MCM2: variants seen among roughly 807,000 people sequenced by gnomAD.
The protein encoded by MCM2 is minichromosome maintenance complex component 2.
Under a neutral mutation model 86.4 loss-of-function variants are expected in MCM2, and 49 were observed. The ratio of observed to expected loss-of-function variants is 0.57; its 90% CI spans 0.45 to 0.72. MCM2 has a LOEUF of 0.72. Ranked by LOEUF, MCM2 falls within the 30% of genes least tolerant of loss-of-function variation. MCM2 has a pLI of 0.00. For synonymous variants in MCM2, 475 were observed against 484.6 expected (o/e 0.98, Z 0.26); for missense variants, 1,038 against 1,259.9 (o/e 0.82, Z 2.67).
chr3:127,600,947 T>C (rs1162256038), intron 2 of MCM2, among the ~76,000 whole-genome samples: 2 of 151,982 alleles, frequency 1.3e-5, no homozygotes, highest in Non-Finnish European at 2.9e-5. Flanking sequence ...TATAATTCAA[T>C]GCAAATTCAT....
rs186179732 is a variant in MCM2, at chr3:127,607,581, C to G, written c.1101+764C>G. Among the ~76,000 whole-genome samples, 9 of 152,366 alleles carry G rather than the reference C, an allele frequency of 5.9e-5. No homozygotes were observed. The East Asian group carries it at 1.7e-3, about 29-fold the overall frequency. ...AGCTGCAGGCCAGATGCCAGCTGAG[C>G]CACGTCTTTGCTCACTCTTCCCATG... On this transcript the variant is annotated intron_variant, in intron 6 of 15. Coordinates refer to ENST00000265056, the MANE Select transcript of MCM2 (RefSeq NM_004526.4).
At position 127,622,119 on chromosome 3, in the gene MCM2, G is replaced by GAGCT. The variant is rs1316980272; in HGVS notation, c.*347_*350dup. ...TAGCCTTCTTACATGGATGTCAGGA[G>GAGCT]AGCTGCTGCCCTCTTGGCGTGAGTT... On this transcript the variant is annotated 3_prime_UTR_variant, in exon 16 of 16. Coordinates refer to ENST00000265056, the MANE Select transcript of MCM2 (RefSeq NM_004526.4). 5.4e-6 allele frequency: 1 copy of GAGCT among 184,002 alleles called. No individual in the cohort carries two copies. Among genetic ancestry groups the GAGCT allele is most frequent in the African/African-American group, 2.4e-5 (1 of 42,256 alleles). The allele number at this position is 184,002 out of a possible 1,614,324, so 11.4% of individuals were successfully genotyped here.
At chr3:127,621,629 C>G (rs750855134) in intron 15 of MCM2, 34 bp from the exon 16 acceptor site, 44 of 1,421,890 alleles carry the variant, frequency 3.1e-5, no homozygotes, top group Non-Finnish European at 4.4e-5. Flanking sequence ...GTTCTCACAC[C>G]ACTGATGGCT....
Position 127,606,852 on chromosome 3 carries a change from C to T in MCM2, c.1101+35C>T. On this transcript the variant is annotated intron_variant, in intron 6 of 15. Coordinates refer to ENST00000265056, the MANE Select transcript of MCM2 (RefSeq NM_004526.4). The surrounding 1 kb of genome is among the most constrained non-coding windows in gnomAD (Gnocchi z 4.2). ...GACACAAGGTCTGCTGCCAGCTGTC[C>T]TTAGGGGTGCCCAGTATGCAGGACC... is the stretch of plus-strand genomic sequence containing the variant. 6.2e-7 allele frequency: 1 copy of T among 1,605,518 alleles called. No homozygotes were observed. The highest frequency in any genetic ancestry group is 1.1e-5 in the South Asian group (1 of 90,866).
chr3:127,606,582 G>A lies in MCM2; in HGVS notation c.894-28G>A. The A allele has an allele frequency of 6.2e-6, 10 of 1,604,522 alleles. No homozygotes were observed. Among genetic ancestry groups the A allele is most frequent in the Non-Finnish European group, 8.5e-6 (10 of 1,171,934 alleles). On this transcript the variant is annotated intron_variant, in intron 5 of 15. Coordinates refer to ENST00000265056, the MANE Select transcript of MCM2 (RefSeq NM_004526.4). The surrounding 1 kb of genome is among the most constrained non-coding windows in gnomAD (Gnocchi z 4.2). ...CAGCCTGGCCTCACCCTGGCTCACG[G>A]CTTCTGATGCACCCTCTGCCTCCGC...
rs1197657946 is a variant in MCM2, at chr3:127,606,381, T to C, written c.893+44T>C. 6.3e-7 allele frequency: 1 copy of C among 1,585,004 alleles called. No individual in the cohort carries two copies. The highest frequency in any genetic ancestry group is 8.7e-7 in the Non-Finnish European group (1 of 1,155,262). On this transcript the variant is annotated intron_variant, in intron 5 of 15. Coordinates refer to ENST00000265056, the MANE Select transcript of MCM2 (RefSeq NM_004526.4). The surrounding 1 kb of genome is among the most constrained non-coding windows in gnomAD (Gnocchi z 4.2). ...AGGATGGCAGGTCCGAGCTCAGTGC[T>C]GGGTGACTCGGTCGTGATTCCTGAA...
At chr3:127,603,158 G>T (rs1003919715) in intron 2 of MCM2, among the ~76,000 whole-genome samples, 1 of 150,924 alleles carries the variant, frequency 6.6e-6, no homozygotes, top group Non-Finnish European at 1.5e-5. Flanking sequence ...CCACCACCGC[G>T]CCCAAGTAAT....
Position 127,621,854 on chromosome 3 carries a change from C to A in MCM2, c.*81C>A. ...CCTCTGTGCTTTATGGACACAAAAC[C>A]AGAGCACTTGATGAACTCGGGGTAC... On this transcript the variant is annotated 3_prime_UTR_variant, in exon 16 of 16. Coordinates refer to ENST00000265056, the MANE Select transcript of MCM2 (RefSeq NM_004526.4). The A allele has an allele frequency of 9.8e-7, 1 of 1,022,826 alleles. No individual in the cohort carries two copies. The highest frequency in any genetic ancestry group is 1.5e-6 in the Non-Finnish European group (1 of 673,122). The allele number at this position is 1,022,826 out of a possible 1,614,324, so 63.4% of individuals were successfully genotyped here.
chr3:127,598,816 A>G (rs1000710714), intron 1 of MCM2: 14 of 408,742 alleles, frequency 3.4e-5, no homozygotes, highest in Non-Finnish European at 5.2e-5. Flanking sequence ...TAATTTCCCA[A>G]TGATCCTTGT....
Position 127,617,476 on chromosome 3 carries a change from C to T in MCM2, c.1900+71C>T. The T allele has an allele frequency of 1.3e-6, 2 of 1,524,774 alleles. No homozygotes were observed. Among genetic ancestry groups the T allele is most frequent in the African/African-American group, 1.4e-5 (1 of 72,586 alleles). 94.5% of individuals were successfully genotyped at this position (1,524,774 alleles called of 1,614,324 possible). A position where few individuals can be genotyped will look rare whatever the true frequency, so the allele number is the denominator to read the frequency against. ...AGGTCCCGCCTGCTTGAATTGGGAG[C>T]CCACGGGGTCCCCAGGAGCCGATCT... On this transcript the variant is annotated intron_variant, in intron 11 of 15. Coordinates refer to ENST00000265056, the MANE Select transcript of MCM2 (RefSeq NM_004526.4). The surrounding 1 kb of genome is among the most constrained non-coding windows in gnomAD (Gnocchi z 4.1).
intron 2 of MCM2, among the ~76,000 whole-genome samples, chr3:127,603,320 TTTTGTTTG>T (rs968445399): frequency 1.3e-5 from 2 of 151,412 alleles, no homozygotes; most frequent in African/African-American, 2.4e-5. Flanking sequence ...TCTTAACCTT[TTTTGTTTG>T]TTTGTTTGTT....
At chr3:127,620,906 T>C in intron 14 of MCM2, 26 bp downstream of exon 14, 2 of 1,584,806 alleles carry the variant, frequency 1.3e-6, no homozygotes, top group Non-Finnish European at 1.7e-6. Context: ...GGTAGGGGCC[T>C]GATGGGCAAG....
chr3:127,616,398 A>T (rs2074432156), intron 9 of MCM2, among the ~76,000 whole-genome samples: 1 of 152,106 alleles, frequency 6.6e-6, no homozygotes, highest in Non-Finnish European at 1.5e-5. Context: ...TTACACAGCA[A>T]CCACAGGGTT....
At chr3:127,619,719 A>T (rs377158162) in intron 13 of MCM2, among the ~76,000 whole-genome samples, 3 of 152,158 alleles carry the variant, frequency 2.0e-5, no homozygotes, top group Non-Finnish European at 4.4e-5. Flanking sequence ...ACAGTGATTC[A>T]TGCCTGTAAT....
chr3:127,615,546 G>A (rs1489357463), intron 8 of MCM2, among the ~76,000 whole-genome samples: 1 of 152,208 alleles, frequency 6.6e-6, no homozygotes, highest in South Asian at 2.1e-4. Context: ...CCAGTGCCAT[G>A]ACAGACCTGG....
chr3:127,610,860 C>T (rs1049007439), intron 8 of MCM2: 9 of 456,518 alleles, frequency 2.0e-5, no homozygotes, highest in African/African-American at 1.6e-4. Context: ...ACCTAGTCTG[C>T]GAAGATCTGG....
chr3:127,602,294 T>G lies in MCM2; in HGVS notation c.237-2314T>G, dbSNP rs79743643. 8.3e-3 allele frequency among the ~76,000 whole-genome samples: 1,263 copies of G among 151,874 alleles called. 23 individuals carry two copies. The highest frequency in any genetic ancestry group is 0.028 in the African/African-American group (1,166 of 41,440). Reference sequence around the variant, plus strand: ...ATGGAAGAAATCAGACCTGGTCAACTCTGATATCTGCCTGGCTGGGTTCTG... The same window carrying G: ...ATGGAAGAAATCAGACCTGGTCAACGCTGATATCTGCCTGGCTGGGTTCTG... On this transcript the variant is annotated intron_variant, in intron 2 of 15. Coordinates refer to ENST00000265056, the MANE Select transcript of MCM2 (RefSeq NM_004526.4).
At chr3:127,621,624 C>T in intron 15 of MCM2, 39 bp from the exon 16 acceptor site, 1 of 1,381,340 alleles carries the variant, frequency 7.2e-7, no homozygotes. Flanking sequence ...AGCCTGTTCT[C>T]ACACCACTGA....
rs186485790 is a variant in MCM2 at position 127,603,755 on chromosome 3, G to A, written c.237-853G>A. On this transcript the variant is annotated intron_variant, in intron 2 of 15. Transcript: ENST00000265056. ...CTGCTCACTGCAACCTCTGCCTCCC[G>A]GGTTCAAGCGATTCTCCTGCCTCAG... 4.6e-5 allele frequency among the ~76,000 whole-genome samples: 7 copies of A among 152,118 alleles called. No individual in the cohort carries two copies. In the East Asian group the frequency reaches 1.2e-3, roughly 25 times the overall value.
Sources: allele counts gnomAD v4.1 joint callset (sites outside exome capture counted in the v4.1 genomes callset), GRCh38; gene constraint gnomAD v4.1.1; non-coding constraint Gnocchi (gnomAD v3.1); transcripts MANE v1.5; gene names NCBI Gene and HGNC (gene_info 2026-07-23, HGNC 2026-07-21).